The following ZNF282 variants were observed in gnomAD, a reference collection of about 807,000 sequenced individuals.
The protein encoded by ZNF282 is HTLV-I U5 repressive element-binding protein 1.
A neutral mutation model predicts 61.9 loss-of-function variants in ZNF282; 30 were observed. The observed-to-expected ratio is 0.48, with a 90% confidence interval of 0.36 to 0.66. The LOEUF is 0.66. Ranked by LOEUF, ZNF282 falls within the 30% of genes least tolerant of loss-of-function variation. The pLI is 0.00. For missense variants in ZNF282, 788 were observed against 941.4 expected (o/e 0.84, Z 2.13); for synonymous variants, 396 against 405.0 (o/e 0.98, Z 0.27).
At position 149,226,142 on chromosome 7, in the gene ZNF282, C is replaced by A. The variant is rs1796371587; in HGVS notation, c.*1495C>A. On this transcript the variant is annotated 3_prime_UTR_variant, in exon 8 of 8. Transcript: ENST00000610704. ...CCCTTTTTGCCGTGCAAAGGGAATT[C>A]TTGACATTAAATAAAAGGTATCCAG... 3 of 152,684 alleles carry A rather than the reference C, an allele frequency of 2.0e-5. No individual in the cohort carries two copies. Among genetic ancestry groups the A allele is most frequent in the Admixed American group, 2.0e-4 (3 of 15,282 alleles). The allele number at this position is 152,684 out of a possible 1,614,324, so 9.5% of individuals were successfully genotyped here.
chr7:149,198,718 G>T lies in ZNF282; in HGVS notation c.551G>T (p.Arg184Leu). 6.2e-7 allele frequency: 1 copy of T among 1,613,806 alleles called. No individual in the cohort carries two copies. The highest frequency in any genetic ancestry group is 8.5e-7 in the Non-Finnish European group (1 of 1,179,892). The change falls in exon 2 of 8, where the codon CGG (arginine) becomes CTG (leucine). Residue 184 changes from arginine (R) to leucine (L), a missense_variant. By Grantham distance (102) the Arg-to-Leu change is moderately radical. Around this residue, in one of 3 missense-constraint regions of ZNF282, gnomAD observed 92 missense variants for 163.9 expected, o/e 0.56. Coordinates refer to ENST00000610704, the MANE Select transcript of ZNF282 (RefSeq NM_003575.4). This position sits in a 1 kb window ranked among gnomAD's most constrained non-coding sequence, Gnocchi z 4.3. ...LLRNRNFWVLRLPPGSKGEAP... is the reference protein window; with the variant it reads ...LLRNRNFWVLLLPPGSKGEAP... ...CGCAACAGGAACTTCTGGGTCCTGCGGCTGCCCCCGGGCAGCAAGGGGGAG... is the reference window on the plus strand; with the variant it reads ...CGCAACAGGAACTTCTGGGTCCTGCTGCTGCCCCCGGGCAGCAAGGGGGAG...
At chr7:149,202,282 T>A (rs1009768897) in intron 2 of ZNF282, among the ~76,000 whole-genome samples, 4 of 150,786 alleles carry the variant, frequency 2.7e-5, no homozygotes, top group Admixed American at 6.6e-5. Flanking sequence ...GTAGCTGGAA[T>A]AACAGGCATG....
In ZNF282 at chr7:149,225,941, G is replaced by A. The variant is rs1585582001; in HGVS notation, c.*1294G>A. On this transcript the variant is annotated 3_prime_UTR_variant, in exon 8 of 8. Coordinates refer to ENST00000610704, the MANE Select transcript of ZNF282 (RefSeq NM_003575.4). Reference sequence around the variant, plus strand: ...CGTCTTGCATGGCCTGGCACCGGGTGGGGTGGTATGCCCCAGGACCCTTGT... The same window carrying A: ...CGTCTTGCATGGCCTGGCACCGGGTAGGGTGGTATGCCCCAGGACCCTTGT... 1 of 152,752 alleles carries A rather than the reference G, an allele frequency of 6.5e-6. No individual in the cohort carries two copies. The highest frequency in any genetic ancestry group is 1.9e-4 in the East Asian group (1 of 5,192). The allele number at this position is 152,752 out of a possible 1,614,324, so 9.5% of individuals were successfully genotyped here. A position where few individuals can be genotyped will look rare whatever the true frequency, so the allele number is the denominator to read the frequency against.
chr7:149,202,907 T>C (rs981027710), intron 2 of ZNF282, among the ~76,000 whole-genome samples: 9 of 152,040 alleles, frequency 5.9e-5, no homozygotes, highest in Admixed American at 5.9e-4. Context: ...GTGGAGTGCC[T>C]CTCTCCAGCT....
In ZNF282 at chr7:149,210,625, G is replaced by C. The variant is rs760176626; in HGVS notation, c.873G>C (p.Gln291His). Residue 291 changes from glutamine (Q) to histidine (H), a missense_variant, in exon 5 of 8, where the codon CAG becomes CAC. Transcript: ENST00000610704. ...TGCCTGCGCAGGATGCGTCCTCCCA[G>C]GTGAAGCGTGAGGACACCCTGTGTG... ...PLVPAQDASS[Q>H]VKREDTLCVR... The C allele has an allele frequency of 3.1e-6, 5 of 1,612,526 alleles. No homozygotes were observed. Among genetic ancestry groups the C allele is most frequent in the South Asian group, 1.1e-5 (1 of 90,564 alleles).
At chr7:149,220,195 T>C (rs1230791448) in intron 7 of ZNF282, among the ~76,000 whole-genome samples, 1 of 151,970 alleles carries the variant, frequency 6.6e-6, no homozygotes, top group Non-Finnish European at 1.5e-5. Flanking sequence ...GATCCTGAGG[T>C]CAGGAGATCG....
intron 2 of ZNF282, among the ~76,000 whole-genome samples, chr7:149,201,917 G>A (rs996496994): frequency 1.3e-5 from 2 of 151,796 alleles, no homozygotes; most frequent in South Asian, 2.1e-4. Context: ...CACCACGTGC[G>A]CCCCCAGCTC....
intron 2 of ZNF282, among the ~76,000 whole-genome samples, chr7:149,201,759 A>T (rs1353008874): frequency 6.6e-6 from 1 of 151,648 alleles, no homozygotes; most frequent in Non-Finnish European, 1.5e-5. Flanking sequence ...CTTAAAAAAA[A>T]CCCAAAAAAC....
intron 4 of ZNF282, among the ~76,000 whole-genome samples, chr7:149,209,232 G>T (rs1181950206): frequency 6.6e-6 from 1 of 151,740 alleles, no homozygotes; most frequent in East Asian, 1.9e-4. Context: ...TGAGGCAGGA[G>T]GATGGCGTGA....
At chr7:149,219,536 G>A (rs899236997) in intron 7 of ZNF282, among the ~76,000 whole-genome samples, 2 of 152,142 alleles carry the variant, frequency 1.3e-5, no homozygotes, top group African/African-American at 4.8e-5. Context: ...GGATATTGTT[G>A]GTGATCTCGG....
intron 7 of ZNF282, among the ~76,000 whole-genome samples, chr7:149,220,868 C>T (rs1016776853): frequency 4.0e-5 from 6 of 150,838 alleles, no homozygotes; most frequent in Non-Finnish European, 8.8e-5. Context: ...AAGTAAAACC[C>T]ACTAGAGACG....
At chr7:149,216,353 G>A (rs1176028076) in intron 7 of ZNF282, among the ~76,000 whole-genome samples, 2 of 152,174 alleles carry the variant, frequency 1.3e-5, no homozygotes, top group Non-Finnish European at 2.9e-5. Context: ...TCCCACCTGG[G>A]CCTCCCAAAG....
chr7:149,202,486 AT>A lies in ZNF282; in HGVS notation c.585+3743del, dbSNP rs1014026554. 5.4e-5 allele frequency among the ~76,000 whole-genome samples: 8 copies of A among 148,414 alleles called. No homozygotes were observed. The East Asian group carries it at 1.4e-3, about 26-fold the overall frequency. On this transcript the variant is annotated intron_variant, in intron 2 of 7. Transcript: ENST00000610704. The stretch of plus-strand genomic sequence containing the variant: ...ATCACCACGCCCGGCTAATTTTTCT[AT>A]TTTTTTTTAGTAGAGACGGGGTTTC...
intron 2 of ZNF282, among the ~76,000 whole-genome samples, chr7:149,202,643 G>T: frequency 6.6e-6 from 1 of 151,672 alleles, no homozygotes; most frequent in East Asian, 1.9e-4. Context: ...TAGAGACAGG[G>T]TTTCACCATG....
Position 149,198,594 on chromosome 7 carries a change from T to C in ZNF282, c.427T>C (p.Phe143Leu), listed in dbSNP as rs1393111342. ...LADCEKTAVE[F>L]GNHMESKWAV... ...CGACTGTGAAAAGACGGCCGTGGAA[T>C]TTGGGAACCACATGGAGAGCAAGTG... is the stretch of plus-strand genomic sequence containing the variant. Residue 143 changes from phenylalanine to leucine, a missense_variant, in exon 2 of 8, where the codon TTT (phenylalanine) becomes CTT (leucine). This residue lies in a region of ZNF282 where 92 missense variants were observed against 163.9 expected (regional missense o/e 0.56). Transcript: ENST00000610704. This position sits in a 1 kb window ranked among gnomAD's most constrained non-coding sequence, Gnocchi z 4.3. 6.2e-7 allele frequency: 1 copy of C among 1,614,024 alleles called. No individual in the cohort carries two copies. Among genetic ancestry groups the C allele is most frequent in the Admixed American group, 1.7e-5 (1 of 60,008 alleles).
At position 149,195,584 on chromosome 7, in the gene ZNF282, C is replaced by T. The variant is rs1388110746; in HGVS notation, c.-6C>T. 26 of 1,609,674 alleles carry T rather than the reference C, an allele frequency of 1.6e-5. No individual in the cohort carries two copies. Among genetic ancestry groups the T allele is most frequent in the South Asian group, 2.2e-5 (2 of 90,916 alleles). On this transcript the variant is annotated 5_prime_UTR_variant, in exon 1 of 8. Coordinates refer to ENST00000610704, the MANE Select transcript of ZNF282 (RefSeq NM_003575.4). The stretch of plus-strand genomic sequence containing the variant: ...GCCGACCCGAGCGGGGAACAGCACT[C>T]CCAGGATGCAGTTTGTGTCAACACG...
chr7:149,223,712 T>G (rs1796297313), intron 7 of ZNF282, 100 bp from the exon 8 acceptor site: 2 of 1,255,722 alleles, frequency 1.6e-6, no homozygotes, highest in Admixed American at 3.5e-5. Flanking sequence ...TTAGTGGAAC[T>G]GAGGCTCAGA....
intron 7 of ZNF282, among the ~76,000 whole-genome samples, chr7:149,219,716 A>G (rs1179368192): frequency 2.0e-5 from 3 of 152,070 alleles, no homozygotes; most frequent in Admixed American, 2.0e-4. Flanking sequence ...GCATGGTGGC[A>G]GGCATCTGTA....
intron 2 of ZNF282, among the ~76,000 whole-genome samples, chr7:149,202,334 C>T (rs1413991427): frequency 6.1e-5 from 9 of 146,454 alleles, no homozygotes; most frequent in African/African-American, 1.5e-4. Flanking sequence ...TTTTTTGAGA[C>T]GGAGTCTTGC....
Sources: allele counts gnomAD v4.1 joint callset (sites outside exome capture counted in the v4.1 genomes callset), GRCh38; gene constraint gnomAD v4.1.1; regional missense constraint gnomAD v4.1.1; non-coding constraint Gnocchi (gnomAD v3.1); transcripts MANE v1.5; gene names NCBI Gene and HGNC (gene_info 2026-07-23, HGNC 2026-07-21).